Variants in TMEM117 observed in about 807,000 individuals in gnomAD.
TMEM117 encodes the protein transmembrane protein 117.
TMEM117 carries 27 observed loss-of-function variants against 52.4 expected under a neutral mutation model. The ratio of observed to expected loss-of-function variants is 0.51; its 90% CI spans 0.38 to 0.71. The LOEUF (loss-of-function observed/expected upper bound fraction) is 0.71, where lower values mean the gene tolerates loss of function less well. Ranked by LOEUF, TMEM117 falls within the 30% of genes least tolerant of loss-of-function variation. The probability of loss-of-function intolerance (pLI) is 0.00; values close to 1 mark genes in which losing one functional copy is unlikely to be tolerated. For synonymous variants in TMEM117, 215 were observed against 206.3 expected, an observed-to-expected ratio of 1.04 and a Z score of -0.36; for missense variants, 556 against 630.5, an observed-to-expected ratio of 0.88 and a Z score of 1.26.
intron 5 of TMEM117, among the ~76,000 whole-genome samples, chr12:44,219,183 C>G (rs1408100614): frequency 6.6e-6 from 1 of 152,074 alleles, no homozygotes; most frequent in East Asian, 1.9e-4. Context: ...GAAATTGAAA[C>G]AAAAATAAGT....
intron 6 of TMEM117, among the ~76,000 whole-genome samples, chr12:44,336,961 G>A (rs559137738): frequency 2.0e-5 from 3 of 152,104 alleles, no homozygotes; most frequent in South Asian, 2.1e-4. Flanking sequence ...GAAGTTAAAC[G>A]TGTAAGAAAT....
intron 6 of TMEM117, among the ~76,000 whole-genome samples, chr12:44,362,913 T>C (rs1398329236): frequency 1.3e-5 from 2 of 151,704 alleles, no homozygotes; most frequent in South Asian, 2.1e-4. Flanking sequence ...AGTGCAGCGG[T>C]GCGATCTCGG....
chr12:43,955,279 G>C (rs566099994), intron 3 of TMEM117, among the ~76,000 whole-genome samples: 1 of 152,184 alleles, frequency 6.6e-6, no homozygotes, highest in East Asian at 1.9e-4. Context: ...CATGGTGTTG[G>C]AAGTTCTGGC....
intron 3 of TMEM117, among the ~76,000 whole-genome samples, chr12:44,093,117 C>T (rs75150414): frequency 0.029 from 4,447 of 152,042 alleles, 100 homozygotes; most frequent in Admixed American, 0.039. Context: ...GGTAATACTC[C>T]GAATCCGTAA....
intron 3 of TMEM117, among the ~76,000 whole-genome samples, chr12:44,016,254 G>A (rs894846682): frequency 1.3e-5 from 2 of 152,088 alleles, no homozygotes; most frequent in African/African-American, 4.8e-5. Context: ...TTCTTTAAAG[G>A]CATCCAGATA....
chr12:44,068,515 G>A (rs1299615376), intron 3 of TMEM117, among the ~76,000 whole-genome samples: 1 of 152,084 alleles, frequency 6.6e-6, no homozygotes, highest in Non-Finnish European at 1.5e-5. Context: ...TTTCACTATT[G>A]TTGTGTCTCA....
At chr12:44,091,839 A>C (rs891930005) in intron 3 of TMEM117, among the ~76,000 whole-genome samples, 3 of 152,260 alleles carry the variant, frequency 2.0e-5, no homozygotes, top group Non-Finnish European at 4.4e-5. Context: ...GTTAGCCTCG[A>C]GAAAAATTCT....
intron 6 of TMEM117, among the ~76,000 whole-genome samples, chr12:44,313,095 G>A (rs1050853385): frequency 7.9e-5 from 12 of 152,102 alleles, no homozygotes; most frequent in African/African-American, 1.4e-4. Flanking sequence ...TTTGCTGTAC[G>A]AAAGCTCTTT....
chr12:43,952,165 A>C (rs1311728524), intron 3 of TMEM117, among the ~76,000 whole-genome samples: 1 of 152,190 alleles, frequency 6.6e-6, no homozygotes, highest in Non-Finnish European at 1.5e-5. Flanking sequence ...AAGGTAGATA[A>C]ATCCACAAAA....
chr12:43,852,291 C>T (rs964234450), intron 2 of TMEM117, among the ~76,000 whole-genome samples: 1 of 152,104 alleles, frequency 6.6e-6, no homozygotes, highest in Non-Finnish European at 1.5e-5. Flanking sequence ...ATTAGCCAGG[C>T]GTGTTGGTGG....
intron 4 of TMEM117, among the ~76,000 whole-genome samples, chr12:44,182,773 A>G (rs975670790): frequency 6.6e-6 from 1 of 152,170 alleles, no homozygotes. Flanking sequence ...GGTACCTCAT[A>G]GCTTAGTTGT....
At chr12:43,964,313 GA>G (rs1354904622) in intron 3 of TMEM117, among the ~76,000 whole-genome samples, 1 of 152,094 alleles carries the variant, frequency 6.6e-6, no homozygotes, top group African/African-American at 2.4e-5. Context: ...ATGGGCCTGG[GA>G]GGGGGAGAAC....
the TMEM117 span, chr12:43,800,550 T>G: frequency 7.0e-6 from 11 of 1,577,124 alleles, no homozygotes; most frequent in Middle Eastern, 5.0e-4. Flanking sequence ...TGTGAAAGTT[T>G]ACTTAGTTTA....
rs188408395 is a variant in TMEM117 at position 44,270,394 on chromosome 12, G to A, written c.609-29186G>A. ...TGCAGCTATTGTAAAAAGGGGTTGC[G>A]TTCTTGATTTGATTTTCAGCTTGGT... On this transcript the variant is annotated intron_variant, in intron 5 of 7. Coordinates refer to ENST00000266534, the MANE Select transcript of TMEM117 (RefSeq NM_032256.3). Among the ~76,000 whole-genome samples, 10 of 152,162 alleles carry A rather than the reference G, an allele frequency of 6.6e-5. No homozygotes were observed. In the East Asian group the frequency reaches 1.5e-3, roughly 24 times the overall value.
intron 5 of TMEM117, among the ~76,000 whole-genome samples, chr12:44,278,324 G>A (rs1174878509): frequency 6.6e-6 from 1 of 152,060 alleles, no homozygotes; most frequent in African/African-American, 2.4e-5. Flanking sequence ...CTAGTATCTG[G>A]GGCAAGCAAC....
the TMEM117 span, chr12:43,797,606 C>T: frequency 1.0e-5 from 15 of 1,460,488 alleles, no homozygotes; most frequent in Non-Finnish European, 1.1e-5. Context: ...TTTTAGAAAT[C>T]AGAAAGCTAT....
chr12:43,988,131 T>C (rs1052227196), intron 3 of TMEM117, among the ~76,000 whole-genome samples: 4 of 152,122 alleles, frequency 2.6e-5, no homozygotes, highest in Non-Finnish European at 5.9e-5. Context: ...ATTTGAAATA[T>C]TGTAATAGAA....
intron 3 of TMEM117, among the ~76,000 whole-genome samples, chr12:44,048,377 C>CT (rs1271062288): frequency 6.6e-6 from 1 of 152,006 alleles, no homozygotes; most frequent in African/African-American, 2.4e-5. Flanking sequence ...TGCCATCTCT[C>CT]TTTTTTCACT....
chr12:44,152,615 ACAT>A (rs1948763209), intron 4 of TMEM117, among the ~76,000 whole-genome samples: 1 of 126,402 alleles, frequency 7.9e-6, no homozygotes, highest in African/African-American at 3.1e-5. Flanking sequence ...ATTTTTATAT[ACAT>A]AATATTTATA....
Sources: gnomAD v4.1 joint callset for allele counts (sites outside exome capture counted in the v4.1 genomes callset) on GRCh38, gnomAD v4.1.1 for gene constraint, MANE v1.5 for transcripts, NCBI Gene and HGNC (gene_info 2026-07-23, HGNC 2026-07-21) for gene names.